The following GATA3 variants were observed in gnomAD, a reference collection of about 807,000 sequenced individuals.
GATA3 encodes trans-acting T-cell-specific transcription factor GATA-3.
GATA3 carries 6 observed loss-of-function variants against 36.0 expected under a neutral mutation model. That is an observed-to-expected ratio of 0.17 (90% CI 0.09 to 0.33). The LOEUF (loss-of-function observed/expected upper bound fraction) is 0.33. Ranked by LOEUF, GATA3 falls within the 10% of genes least tolerant of loss-of-function variation. The pLI, the probability that GATA3 is intolerant of heterozygous loss-of-function variation, is 1.00. For missense variants in GATA3, 514 were observed against 610.1 expected (o/e 0.84, Z 1.66); for synonymous variants, 326 against 273.0 (o/e 1.19, Z -1.92).
intron 1 of GATA3, among the ~76,000 whole-genome samples, chr10:8,047,923 A>G (rs1196742935): frequency 6.8e-6 from 1 of 148,060 alleles, no homozygotes; most frequent in African/African-American, 2.5e-5. Flanking sequence ...TTTTTTTTTC[A>G]CCAGGTGGTC....
At chr10:8,069,934 C>T (rs1022970067) in intron 5 of GATA3, among the ~76,000 whole-genome samples, 2 of 152,098 alleles carry the variant, frequency 1.3e-5, no homozygotes, top group African/African-American at 4.8e-5. Context: ...GCCACCGGTC[C>T]TATTTTGTTG....
At chr10:8,065,973 A>G (rs1278888027) in intron 4 of GATA3, among the ~76,000 whole-genome samples, 1 of 149,654 alleles carries the variant, frequency 6.7e-6, no homozygotes, top group Non-Finnish European at 1.5e-5. Context: ...AAAAAAAAAA[A>G]AAAAAAAAGA....
At chr10:8,066,063 T>C (rs1171649562) in intron 4 of GATA3, among the ~76,000 whole-genome samples, 1 of 111,946 alleles carries the variant, frequency 8.9e-6, no homozygotes, top group Admixed American at 9.9e-5. Flanking sequence ...ATAGTTGTTT[T>C]TTTTGTTTTT....
At chr10:8,062,753 C>T (rs1832770875) in intron 3 of GATA3, among the ~76,000 whole-genome samples, 1 of 152,150 alleles carries the variant, frequency 6.6e-6, no homozygotes, top group African/African-American at 2.4e-5. Flanking sequence ...CTCCTCTGGG[C>T]CTCCCCTCTC....
chr10:8,067,463 A>G (rs998408684), intron 4 of GATA3, among the ~76,000 whole-genome samples: 1 of 152,242 alleles, frequency 6.6e-6, no homozygotes, highest in East Asian at 1.9e-4. Context: ...GGTTCTCCAT[A>G]TCTGGCAGCT....
chr10:8,073,635 T>C (rs2131519096), intron 5 of GATA3, 104 bp from the exon 6 acceptor site: 1 of 1,268,946 alleles, frequency 7.9e-7, no homozygotes, highest in South Asian at 1.4e-5. Flanking sequence ...AACAGATCCC[T>C]GATCCGGGGC....
At chr10:8,046,367 AG>A (rs1443707229) in intron 1 of GATA3, among the ~76,000 whole-genome samples, 1 of 152,204 alleles carries the variant, frequency 6.6e-6, no homozygotes, top group Non-Finnish European at 1.5e-5. Flanking sequence ...TGGCAAGGGC[AG>A]GGGGGAAAGT....
chr10:8,066,043 T>C (rs1362830484), intron 4 of GATA3, among the ~76,000 whole-genome samples: 2 of 148,768 alleles, frequency 1.3e-5, no homozygotes, highest in Non-Finnish European at 3.0e-5. Flanking sequence ...AAATGTGTCT[T>C]GGTACCATTA....
chr10:8,059,887 G>A (rs1224845289), intron 3 of GATA3, among the ~76,000 whole-genome samples: 1 of 152,210 alleles, frequency 6.6e-6, no homozygotes, highest in Non-Finnish European at 1.5e-5. Context: ...CCTTAGGCGT[G>A]TCCATTTCAG....
At chr10:8,065,941 C>A (rs1588385782) in intron 4 of GATA3, among the ~76,000 whole-genome samples, 1 of 89,354 alleles carries the variant, frequency 1.1e-5, no homozygotes, top group South Asian at 4.1e-4. Flanking sequence ...TGTTTTGAAT[C>A]ACTCAAAAAC....
chr10:8,058,659 C>T lies in GATA3; in HGVS notation c.596C>T (p.Ser199Phe), dbSNP rs1465086730. 3.1e-6 allele frequency: 5 copies of T among 1,613,100 alleles called. No homozygotes were observed. The highest frequency in any genetic ancestry group is 8.5e-7 in the Non-Finnish European group (1 of 1,179,978). Residue 199 changes from serine (S) to phenylalanine (F), a missense_variant, in exon 3 of 6, where the codon TCC becomes TTC. Physicochemically the swap from Ser to Phe is radical, Grantham distance 155 (BLOSUM62 -2). Transcript: ENST00000379328. ...CCCGACAGCATGAAGCTGGAGTCGTCCCACTCCCGTGGCAGCATGACCGCC... is the reference window on the plus strand; with the variant it reads ...CCCGACAGCATGAAGCTGGAGTCGTTCCACTCCCGTGGCAGCATGACCGCC... The part of the protein sequence containing the change: ...PLPDSMKLES[S>F]HSRGSMTALG...
intron 4 of GATA3, among the ~76,000 whole-genome samples, chr10:8,065,721 T>C (rs1333072745): frequency 2.1e-5 from 3 of 145,498 alleles, no homozygotes; most frequent in African/African-American, 7.6e-5. Context: ...TTTTTTTTTT[T>C]TTTTCCTTTC....
intron 4 of GATA3, among the ~76,000 whole-genome samples, chr10:8,065,027 C>G (rs925827742): frequency 6.6e-6 from 1 of 152,146 alleles, no homozygotes; most frequent in Non-Finnish European, 1.5e-5. Flanking sequence ...ACTCTAGCCA[C>G]AGCTAAGAGA....
chr10:8,056,463 C>G (rs1172406360), intron 2 of GATA3, among the ~76,000 whole-genome samples: 1 of 152,202 alleles, frequency 6.6e-6, no homozygotes, highest in Non-Finnish European at 1.5e-5. Context: ...TGACCTTTTC[C>G]CAGAGCTAGT....
chr10:8,067,780 T>C (rs950412478), intron 4 of GATA3, among the ~76,000 whole-genome samples: 3 of 152,188 alleles, frequency 2.0e-5, no homozygotes, highest in Non-Finnish European at 4.4e-5. Context: ...ATCGCGCCAC[T>C]GCACTCCAGC....
chr10:8,053,655 G>A (rs1003728635), upstream of GATA3: 1 of 152,476 alleles, frequency 6.6e-6, no homozygotes, highest in Non-Finnish European at 1.5e-5. The surrounding 1 kb of genome is among the most constrained non-coding windows in gnomAD (Gnocchi z 5.1). Flanking sequence ...ATTGCGCAGA[G>A]CGTGGCCTGG....
At chr10:8,065,068 C>A (rs1052928437) in intron 4 of GATA3, among the ~76,000 whole-genome samples, 6 of 152,002 alleles carry the variant, frequency 3.9e-5, no homozygotes, top group Admixed American at 2.6e-4. Context: ...CTGACATTCA[C>A]CAAGTCGAGA....
In GATA3 at chr10:8,058,765, C is replaced by G. The variant is rs199565632; in HGVS notation, c.702C>G (p.Phe234Leu). The G allele has an allele frequency of 6.2e-7, 1 of 1,609,624 alleles. No individual in the cohort carries two copies. The highest frequency in any genetic ancestry group is 1.7e-5 in the Admixed American group (1 of 59,980). ...TGCCCGAGTACAGCTCCGGACTCTT[C>G]CCCCCCAGCAGCCTGCTGGGCGGCT... ...PYVPEYSSGLFPPSSLLGGSP... is the reference protein window; with the variant it reads ...PYVPEYSSGLLPPSSLLGGSP... The change falls in exon 3 of 6, where the codon TTC becomes TTG. Residue 234 changes from phenylalanine to leucine, a missense_variant. Physicochemically the swap from Phe to Leu is conservative, Grantham distance 22. Transcript: ENST00000379328.
upstream of GATA3, chr10:8,052,266 C>G (rs1050646821): frequency 1.3e-5 from 2 of 151,610 alleles, no homozygotes; most frequent in African/African-American, 4.9e-5. Context: ...TTTTATTTTT[C>G]TAAAGGTGGG....
Sources: allele counts gnomAD v4.1 joint callset (sites outside exome capture counted in the v4.1 genomes callset), GRCh38; gene constraint gnomAD v4.1.1; non-coding constraint Gnocchi (gnomAD v3.1); transcripts MANE v1.5; gene names NCBI Gene and HGNC (gene_info 2026-07-23, HGNC 2026-07-21).